The following PGS1 variants were observed in gnomAD, a reference collection of about 807,000 sequenced individuals.
PGS1 encodes phosphatidylglycerophosphate synthase 1, also known as CDP-diacylglycerol--glycerol-3-phosphate 3-phosphatidyltransferase, mitochondrial.
A neutral mutation model predicts 58.3 loss-of-function variants in PGS1; 44 were observed. That is an observed-to-expected ratio of 0.75 (90% CI 0.59 to 0.97). The LOEUF is 0.97. PGS1 is among the 50% of genes least tolerant of loss of function. PGS1 has a pLI of 0.00. For synonymous variants in PGS1, 330 were observed against 311.0 expected (o/e 1.06, Z -0.64); for missense variants, 684 against 731.1 (o/e 0.94, Z 0.74).
Position 78,398,697 on chromosome 17 carries a change from CTT to C in PGS1, c.511+350_511+351del, listed in dbSNP as rs1567964724. On this transcript the variant is annotated intron_variant, in intron 4 of 9. Transcript: ENST00000262764. ...TGAAAAACTGCCTTAGGCAAAAAGA[CTT>C]TTTGTGGACTCCTGTGACTGATCTG... Among the ~76,000 whole-genome samples the C allele has an allele frequency of 5.9e-5, 9 of 152,308 alleles. 2 individuals are homozygous for C. The South Asian group carries it at 1.9e-3, about 32-fold the overall frequency.
Position 78,424,346 on chromosome 17 carries a change from C to A in PGS1, c.*296C>A. ...GGCCTGCATGTTGTAACTACCCCGTCCCGCTGGGCTCAAGGAACAGCTCAG... is the reference window on the plus strand; with the variant it reads ...GGCCTGCATGTTGTAACTACCCCGTACCGCTGGGCTCAAGGAACAGCTCAG... On this transcript the variant is annotated 3_prime_UTR_variant, in exon 10 of 10. Transcript: ENST00000262764. 6.4e-6 allele frequency: 4 copies of A among 628,334 alleles called. No homozygotes were observed. Among genetic ancestry groups the A allele is most frequent in the South Asian group, 4.8e-5 (2 of 41,616 alleles). The allele number at this position is 628,334 out of a possible 1,614,324, so 38.9% of individuals were successfully genotyped here.
In PGS1 at chr17:78,423,446, A is replaced by G. The variant is rs560165571; in HGVS notation, c.*11-615A>G. Among the ~76,000 whole-genome samples the G allele has an allele frequency of 1.1e-4, 16 of 152,268 alleles. No individual in the cohort carries two copies. In the South Asian group the frequency reaches 3.3e-3, roughly 32 times the overall value. On this transcript the variant is annotated intron_variant, in intron 9 of 9. Transcript: ENST00000262764. ...CTGTGTGGAGGCGGCAGCTCCTGGT[A>G]TGGGGTAACGCCCTGTCCCCTCATT...
rs1489264100 is a variant in PGS1 at position 78,424,600 on chromosome 17, A to G, written c.*550A>G. 1.3e-5 allele frequency: 2 copies of G among 156,654 alleles called. No homozygotes were observed. Among genetic ancestry groups the G allele is most frequent in the African/African-American group, 4.8e-5 (2 of 41,564 alleles). The allele number at this position is 156,654 out of a possible 1,614,324, so 9.7% of individuals were successfully genotyped here. ...GACTGCTATTATTTCTACTCGCCCTATTTAATGGTGTTTTTATTTCCTGTC... is the reference window on the plus strand; with the variant it reads ...GACTGCTATTATTTCTACTCGCCCTGTTTAATGGTGTTTTTATTTCCTGTC... On this transcript the variant is annotated 3_prime_UTR_variant, in exon 10 of 10. Coordinates refer to ENST00000262764, the MANE Select transcript of PGS1 (RefSeq NM_024419.5).
intron 1 of PGS1, among the ~76,000 whole-genome samples, chr17:78,379,037 G>A (rs1197831348): frequency 2.0e-5 from 3 of 152,138 alleles, no homozygotes; most frequent in Non-Finnish European, 4.4e-5. Flanking sequence ...TCCAGCCGGC[G>A]GGCCTCCTGC....
intron 8 of PGS1, among the ~76,000 whole-genome samples, chr17:78,418,700 G>A (rs1011624126): frequency 2.0e-5 from 3 of 152,126 alleles, no homozygotes; most frequent in African/African-American, 7.2e-5. Context: ...CTCTTGCAAA[G>A]GGAGCTTTAT....
intron 9 of PGS1, 183 bp from the exon 10 acceptor site, chr17:78,423,878 G>A (rs1364386805): frequency 2.5e-6 from 4 of 1,612,020 alleles, no homozygotes; most frequent in Admixed American, 3.3e-5. Context: ...CCAGCCCCAG[G>A]GAGTGTGGGC....
At chr17:78,401,743 TC>T (rs996640643) in intron 6 of PGS1, among the ~76,000 whole-genome samples, 1 of 152,220 alleles carries the variant, frequency 6.6e-6, no homozygotes. Context: ...CATGCACTGT[TC>T]CTACTGTTGT....
intron 8 of PGS1, among the ~76,000 whole-genome samples, chr17:78,417,928 ATTTTTTTT>A (rs55853667): frequency 7.7e-4 from 99 of 128,330 alleles, no homozygotes; most frequent in African/African-American, 2.8e-3. Context: ...GCATATATAA[ATTTTTTTT>A]TTTTTTTTTT....
chr17:78,390,062 T>TCCCCCCCCCCCCCCCCCGCC (rs1555628316), intron 1 of PGS1, among the ~76,000 whole-genome samples: 3 of 128,584 alleles, frequency 2.3e-5, no homozygotes, highest in Non-Finnish European at 3.3e-5. Flanking sequence ...TGTTGCCTGT[T>TCCCCCCCCCCCCCCCCCGCC]CCCCCGCCCC....
chr17:78,390,999 G>T (rs1433056695), intron 1 of PGS1, among the ~76,000 whole-genome samples: 1 of 151,920 alleles, frequency 6.6e-6, no homozygotes, highest in Non-Finnish European at 1.5e-5. Context: ...GGAGTGCAGT[G>T]GCACCATCTC....
intron 6 of PGS1, among the ~76,000 whole-genome samples, chr17:78,402,910 A>G (rs965100474): frequency 2.6e-5 from 4 of 152,030 alleles, no homozygotes; most frequent in Non-Finnish European, 5.9e-5. Context: ...CTGCATGGTC[A>G]CCTGTCACCA....
In PGS1 at chr17:78,420,163, C is replaced by T. The variant is rs953539059; in HGVS notation, c.*10+488C>T. ...GGGTGGGGCGTCGGTAGAGCCAGAC[C>T]GTGGGCTGCTGCCTGGACGCCTCGC... On this transcript the variant is annotated intron_variant, in intron 9 of 9. Coordinates refer to ENST00000262764, the MANE Select transcript of PGS1 (RefSeq NM_024419.5). The T allele has an allele frequency of 1.0e-5, 10 of 1,000,968 alleles. No individual in the cohort carries two copies. In the African/African-American group the frequency reaches 1.2e-4, roughly 12 times the overall value. 62.0% of individuals were successfully genotyped at this position (1,000,968 alleles called of 1,614,324 possible).
chr17:78,405,091 G>A (rs191651957), intron 7 of PGS1, among the ~76,000 whole-genome samples: 5 of 151,982 alleles, frequency 3.3e-5, no homozygotes, highest in East Asian at 3.9e-4. Flanking sequence ...TCTGCCTCCC[G>A]GGTTCAAATG....
chr17:78,420,096 A>G (rs931622106), intron 9 of PGS1: 1 of 1,051,054 alleles, frequency 9.5e-7, no homozygotes, highest in African/African-American at 1.7e-5. Context: ...TTTGCTCGTG[A>G]GAGTGGCTCT....
chr17:78,417,699 T>G (rs1427377403), intron 8 of PGS1, among the ~76,000 whole-genome samples: 19 of 151,972 alleles, frequency 1.3e-4, no homozygotes, highest in Admixed American at 1.2e-3. Flanking sequence ...GCTTCTGTGG[T>G]CATCACCTGT....
At chr17:78,419,977 G>GCT in intron 9 of PGS1, 1 of 1,178,150 alleles carries the variant, frequency 8.5e-7, no homozygotes, top group Non-Finnish European at 1.1e-6. Flanking sequence ...GGGTCCTGAA[G>GCT]AAGCCCTGGG....
rs1484648971 is a variant in PGS1 at position 78,399,386 on chromosome 17, C to T, written c.550C>T (p.Arg184Trp). The T allele has an allele frequency of 2.6e-5, 42 of 1,614,002 alleles. No homozygotes were observed. The highest frequency in any genetic ancestry group is 3.5e-5 in the Non-Finnish European group (41 of 1,180,024). Residue 184 changes from arginine to tryptophan, a missense_variant, in exon 5 of 10, where the codon CGG (arginine) becomes TGG (tryptophan). Physicochemically the swap from Arg to Trp is moderately radical, Grantham distance 101. Transcript: ENST00000262764. ...CCGCACAATGCTGCTCCCACTCCTG[C>T]GGAGGTTCCCAGAGCAGGTCCGAGT... is the stretch of plus-strand genomic sequence containing the variant. ...NSRTMLLPLL[R>W]RFPEQVRVSL...
At chr17:78,381,551 C>T (rs2082038046) in intron 1 of PGS1, among the ~76,000 whole-genome samples, 1 of 152,208 alleles carries the variant, frequency 6.6e-6, no homozygotes, top group African/African-American at 2.4e-5. Context: ...ACTTTGCTTT[C>T]TTCTCCATTA....
At position 78,424,337 on chromosome 17, in the gene PGS1, C is replaced by G; in HGVS notation, c.*287C>G. 1 of 665,220 alleles carries G rather than the reference C, an allele frequency of 1.5e-6. No homozygotes were observed. The highest frequency in any genetic ancestry group is 2.8e-5 in the East Asian group (1 of 35,788). 41.2% of individuals were successfully genotyped at this position (665,220 alleles called of 1,614,324 possible). ...GTAGGTGATGGCCTGCATGTTGTAA[C>G]TACCCCGTCCCGCTGGGCTCAAGGA... On this transcript the variant is annotated 3_prime_UTR_variant, in exon 10 of 10. Coordinates refer to ENST00000262764, the MANE Select transcript of PGS1 (RefSeq NM_024419.5).
Sources: gnomAD v4.1 joint callset for allele counts (sites outside exome capture counted in the v4.1 genomes callset) on GRCh38, gnomAD v4.1.1 for gene constraint, MANE v1.5 for transcripts, NCBI Gene and HGNC (gene_info 2026-07-23, HGNC 2026-07-21) for gene names.